CRISPLD2: variants seen among roughly 807,000 people sequenced by gnomAD.
CRISPLD2 encodes the protein cysteine rich secretory protein LCCL domain containing 2.
CRISPLD2 carries 47 observed loss-of-function variants against 71.1 expected under a neutral mutation model. The ratio of observed to expected loss-of-function variants is 0.66; its 90% CI spans 0.52 to 0.84. The LOEUF (loss-of-function observed/expected upper bound fraction) is 0.84, where lower values mean the gene tolerates loss of function less well. CRISPLD2 is among the 40% of genes least tolerant of loss of function. The pLI is 0.00. For missense variants in CRISPLD2, 830 were observed against 651.1 expected (o/e 1.27, Z -2.99); for synonymous variants, 317 against 250.1 (o/e 1.27, Z -2.52).
At chr16:84,830,877 TC>T (rs1439933927) in intron 1 of CRISPLD2, among the ~76,000 whole-genome samples, 9 of 152,190 alleles carry the variant, frequency 5.9e-5, no homozygotes, top group Admixed American at 2.0e-4. Context: ...GGGATCTCTT[TC>T]CAGAAACTCC....
In CRISPLD2 at chr16:84,907,743, G is replaced by C. The variant is rs1177926984; in HGVS notation, c.*1101G>C. ...CTCACCGAGGTTAGCAGCTCAGTTT[G>C]TGGTTATGAAACCGTCTGTGGCCTC... is the stretch of plus-strand genomic sequence containing the variant. On this transcript the variant is annotated 3_prime_UTR_variant, in exon 15 of 15. Coordinates refer to ENST00000262424, the MANE Select transcript of CRISPLD2 (RefSeq NM_031476.4). 2 of 152,248 alleles carry C rather than the reference G, an allele frequency of 1.3e-5. No homozygotes were observed. Among genetic ancestry groups the C allele is most frequent in the African/African-American group, 4.8e-5 (2 of 41,450 alleles). 9.4% of individuals were successfully genotyped at this position (152,248 alleles called of 1,614,324 possible).
intron 12 of CRISPLD2, 96 bp from the exon 13 acceptor site, chr16:84,880,413 C>G (rs189050085): frequency 2.1e-6 from 2 of 938,258 alleles, no homozygotes; most frequent in Non-Finnish European, 3.2e-6. Flanking sequence ...CTTTCATCTA[C>G]GAACTTAAAT....
At chr16:84,869,145 GC>G (rs2071443294) in intron 8 of CRISPLD2, among the ~76,000 whole-genome samples, 1 of 152,194 alleles carries the variant, frequency 6.6e-6, no homozygotes, top group South Asian at 2.1e-4. Context: ...CTCCCAGTGG[GC>G]CCCACCAGAC....
rs140409873 is a variant in CRISPLD2, at chr16:84,881,306, T to C, written c.1305+722T>C. ...ACAAAGAAGATAATACAGACCACCC[T>C]AATTTACTGCTTGTTGATAGCCACT... On this transcript the variant is annotated intron_variant, in intron 13 of 14. Transcript: ENST00000262424. Among the ~76,000 whole-genome samples the C allele has an allele frequency of 8.6e-3, 1,304 of 152,366 alleles. 10 individuals carry two copies. The highest frequency in any genetic ancestry group is 0.014 in the Non-Finnish European group (960 of 68,028).
intron 6 of CRISPLD2, among the ~76,000 whole-genome samples, chr16:84,862,108 G>A (rs1228261520): frequency 6.6e-6 from 1 of 152,232 alleles, no homozygotes; most frequent in Admixed American, 6.5e-5. Flanking sequence ...TTATGCATGT[G>A]TCTTGCTGGT....
At chr16:84,860,819 C>T (rs912093082) in intron 6 of CRISPLD2, among the ~76,000 whole-genome samples, 4 of 152,202 alleles carry the variant, frequency 2.6e-5, no homozygotes, top group African/African-American at 9.6e-5. Flanking sequence ...ATGAGAAGAG[C>T]TTGTGTCTGT....
At chr16:84,849,043 C>T (rs1206324549) in intron 3 of CRISPLD2, among the ~76,000 whole-genome samples, 3 of 151,608 alleles carry the variant, frequency 2.0e-5, no homozygotes, top group Non-Finnish European at 4.4e-5. Flanking sequence ...GATTCCTGCA[C>T]GTGCAGGTGG....
At chr16:84,846,955 T>C (rs1916931334) in intron 3 of CRISPLD2, among the ~76,000 whole-genome samples, 1 of 152,196 alleles carries the variant, frequency 6.6e-6, no homozygotes, top group African/African-American at 2.4e-5. Flanking sequence ...ACGGCTGGTT[T>C]CATTGGAGAA....
At chr16:84,863,684 G>C (rs1917451793) in intron 6 of CRISPLD2, among the ~76,000 whole-genome samples, 1 of 152,134 alleles carries the variant, frequency 6.6e-6, no homozygotes, top group African/African-American at 2.4e-5. Context: ...AAAATGCTGG[G>C]GATGGCCGGG....
chr16:84,859,445 G>A lies in CRISPLD2; in HGVS notation c.709+4616G>A, dbSNP rs117588777. ...CCAGTGCACGGTTTCCCTGGTACAA[G>A]GCCAGAGGTCTCCCCGGGGAAGTAT... On this transcript the variant is annotated intron_variant, in intron 6 of 14. Coordinates refer to ENST00000262424, the MANE Select transcript of CRISPLD2 (RefSeq NM_031476.4). 1.6e-3 allele frequency among the ~76,000 whole-genome samples: 248 copies of A among 152,282 alleles called. No homozygotes were observed. In the Middle Eastern group the frequency reaches 0.02, roughly 13 times the overall value.
intron 14 of CRISPLD2, among the ~76,000 whole-genome samples, chr16:84,904,826 C>T (rs866150127): frequency 1.3e-5 from 2 of 152,174 alleles, no homozygotes; most frequent in Middle Eastern, 6.8e-3. Context: ...GGATCCAAGG[C>T]TGAAATGTAA....
At chr16:84,848,883 G>A (rs578140472) in intron 3 of CRISPLD2, among the ~76,000 whole-genome samples, 7 of 151,870 alleles carry the variant, frequency 4.6e-5, no homozygotes, top group African/African-American at 1.7e-4. Flanking sequence ...TTACTTGGGA[G>A]GCTGAGGCAG....
intron 5 of CRISPLD2, among the ~76,000 whole-genome samples, chr16:84,851,567 G>T (rs544846102): frequency 1.3e-5 from 2 of 152,346 alleles, no homozygotes; most frequent in African/African-American, 4.8e-5. Flanking sequence ...CGCTGAGGTT[G>T]GGAGGAAAAA....
chr16:84,899,438 C>T (rs985728711), intron 14 of CRISPLD2, among the ~76,000 whole-genome samples: 3 of 152,168 alleles, frequency 2.0e-5, no homozygotes, highest in Admixed American at 2.0e-4. Flanking sequence ...TCATCAGACA[C>T]GTACAACTAC....
In CRISPLD2 at chr16:84,849,284, C is replaced by T; in HGVS notation, c.360-101C>T. 7 of 1,214,742 alleles carry T rather than the reference C, an allele frequency of 5.8e-6. No homozygotes were observed. In the South Asian group the frequency reaches 9.7e-5, roughly 17 times the overall value. The allele number at this position is 1,214,742 out of a possible 1,614,324, so 75.2% of individuals were successfully genotyped here. On this transcript the variant is annotated intron_variant, in intron 3 of 14. Coordinates refer to ENST00000262424, the MANE Select transcript of CRISPLD2 (RefSeq NM_031476.4). The stretch of plus-strand genomic sequence containing the variant: ...CTCCTGGAATTGGCCGCTATTCACC[C>T]TCCTCGGCCTCCCTCCCTCCTACCT...
rs2071822692 is a variant in CRISPLD2 at position 84,908,305 on chromosome 16, A to G, written c.*1663A>G. On this transcript the variant is annotated 3_prime_UTR_variant, in exon 15 of 15. Coordinates refer to ENST00000262424, the MANE Select transcript of CRISPLD2 (RefSeq NM_031476.4). The stretch of plus-strand genomic sequence containing the variant: ...CTTTGTGCATTGTAGTCTAGTCGTA[A>G]TTCATAGGTACTGACTCCTCAGCCC... The G allele has an allele frequency of 1.3e-5, 2 of 152,356 alleles. No homozygotes were observed. Among genetic ancestry groups the G allele is most frequent in the Admixed American group, 1.3e-4 (2 of 15,298 alleles). 9.4% of individuals were successfully genotyped at this position (152,356 alleles called of 1,614,324 possible).
chr16:84,849,546 C>T (rs769215026), intron 4 of CRISPLD2, 29 bp downstream of exon 4: 5 of 1,607,048 alleles, frequency 3.1e-6, no homozygotes, highest in South Asian at 2.2e-5. Context: ...ACGACCTCAG[C>T]CCTGCCCCCC....
At chr16:84,875,952 C>G (rs1427251567) in intron 11 of CRISPLD2, among the ~76,000 whole-genome samples, 1 of 152,108 alleles carries the variant, frequency 6.6e-6, no homozygotes, top group Non-Finnish European at 1.5e-5. Context: ...CTAAACCAGT[C>G]CCCTTTGTTG....
chr16:84,857,235 T>C (rs1917265472), intron 6 of CRISPLD2, among the ~76,000 whole-genome samples: 1 of 152,246 alleles, frequency 6.6e-6, no homozygotes, highest in African/African-American at 2.4e-5. Flanking sequence ...ACTTTGTTCA[T>C]GGGCCCATTG....
Sources: gnomAD v4.1 joint callset for allele counts (sites outside exome capture counted in the v4.1 genomes callset) on GRCh38, gnomAD v4.1.1 for gene constraint, MANE v1.5 for transcripts, NCBI Gene and HGNC (gene_info 2026-07-23, HGNC 2026-07-21) for gene names.